The following PDCD2L variants were observed in gnomAD, a reference collection of about 807,000 sequenced individuals.
The protein encoded by PDCD2L is programmed cell death 2 like.
A neutral mutation model predicts 40.4 loss-of-function variants in PDCD2L; 44 were observed. The observed-to-expected ratio is 1.09, with a 90% CI of 0.86 to 1.40. PDCD2L has a LOEUF of 1.40. Among genes scored for constraint, PDCD2L ranks in the 40% most tolerant of loss-of-function variants. The probability of loss-of-function intolerance (pLI) is 0.00; values close to 1 mark genes in which losing one functional copy is unlikely to be tolerated. For missense variants in PDCD2L, 470 were observed against 453.7 expected, an observed-to-expected ratio of 1.04 and a Z score of -0.33; for synonymous variants, 194 against 174.6, an observed-to-expected ratio of 1.11 and a Z score of -0.88.
At chr19:34,409,004 T>A in intron 3 of PDCD2L, 157 bp from the exon 4 acceptor site, 2 of 643,206 alleles carry the variant, frequency 3.1e-6, no homozygotes, top group South Asian at 3.9e-5. Context: ...TGCTTTTGAG[T>A]ACATAGGGTC....
intron 4 of PDCD2L, 90 bp from the exon 5 acceptor site, chr19:34,413,647 T>G: frequency 1.2e-6 from 1 of 856,948 alleles, no homozygotes; most frequent in Non-Finnish European, 1.8e-6. Context: ...TGATAAAATT[T>G]TTTAAAAGAA....
At chr19:34,425,845 G>A in intron 6 of PDCD2L, 145 bp from the exon 7 acceptor site, 1 of 705,842 alleles carries the variant, frequency 1.4e-6, no homozygotes, top group Non-Finnish European at 2.2e-6. Flanking sequence ...AGGATAGACT[G>A]TGATTCTGTT....
At chr19:34,410,868 T>TC (rs1285253802) in intron 4 of PDCD2L, among the ~76,000 whole-genome samples, 1 of 151,350 alleles carries the variant, frequency 6.6e-6, no homozygotes, top group African/African-American at 2.4e-5. Flanking sequence ...CACTGCAACC[T>TC]CCCCTTCCTG....
chr19:34,411,296 G>C (rs1381985682), intron 4 of PDCD2L, among the ~76,000 whole-genome samples: 1 of 145,506 alleles, frequency 6.9e-6, no homozygotes, highest in African/African-American at 2.6e-5. Flanking sequence ...TTGGAGTGCA[G>C]TGGCACGTTC....
rs187581685 is a variant in PDCD2L at position 34,406,432 on chromosome 19, C to G, written c.336+1442C>G. On this transcript the variant is annotated intron_variant, in intron 3 of 6. Transcript: ENST00000246535. Reference sequence around the variant, plus strand: ...ACGGAGTCTTGCTCTGTTGCCCAGGCTGGAGTGCAGTGGCGCCGTCTCTGC... The same window carrying G: ...ACGGAGTCTTGCTCTGTTGCCCAGGGTGGAGTGCAGTGGCGCCGTCTCTGC... Among the ~76,000 whole-genome samples, 177 of 151,342 alleles carry G rather than the reference C, an allele frequency of 1.2e-3. No homozygotes were observed. The East Asian group carries it at 0.024, about 21-fold the overall frequency.
chr19:34,405,068 T>A, intron 3 of PDCD2L, 78 bp downstream of exon 3: 1 of 1,500,732 alleles, frequency 6.7e-7, no homozygotes, highest in Non-Finnish European at 9.2e-7. Context: ...GGGCAGACTT[T>A]AAAGCCGTGT....
At chr19:34,417,802 C>A (rs966602046) in intron 5 of PDCD2L, among the ~76,000 whole-genome samples, 1 of 151,990 alleles carries the variant, frequency 6.6e-6, no homozygotes, top group Non-Finnish European at 1.5e-5. Flanking sequence ...AAATAGAGAA[C>A]GCAATAGATG....
chr19:34,426,069 G>A lies in PDCD2L; in HGVS notation c.1026G>A (p.Met342Ile). ...GGCCCCCAAATCATCAGACTCCCAT[G>A]GAAGAATTTTGTATTATACAAGAAG... ...SCWPPNHQTP[M>I]EEFCIIQEDP... The change falls in exon 7 of 7, where the codon ATG (methionine) becomes ATA (isoleucine). Residue 342 changes from methionine (M) to isoleucine (I), a missense_variant. By Grantham distance (10) the Met-to-Ile change is conservative. Transcript: ENST00000246535. 1 of 1,605,204 alleles carries A rather than the reference G, an allele frequency of 6.2e-7. No individual in the cohort carries two copies. The highest frequency in any genetic ancestry group is 8.5e-7 in the Non-Finnish European group (1 of 1,171,922).
chr19:34,418,088 G>A (rs957713611), intron 5 of PDCD2L, among the ~76,000 whole-genome samples: 20 of 152,194 alleles, frequency 1.3e-4, no homozygotes, highest in Non-Finnish European at 7.3e-5. Context: ...ATCTTCTGTA[G>A]TGAAGTGTGT....
In PDCD2L at chr19:34,404,508, C is replaced by G. The variant is rs1161733728; in HGVS notation, c.78C>G (p.Ala26=). ...PVHGSPTGPG[A]WTASKLGGIP... ...ACGGCAGCCCCACAGGGCCGGGTGC[C>G]TGGACTGCTAGCAAGCTGGGCGGCA... is the stretch of plus-strand genomic sequence containing the variant. Residue 26 remains alanine, a synonymous_variant, in exon 1 of 7, where the codon GCC becomes GCG. Coordinates refer to ENST00000246535, the MANE Select transcript of PDCD2L (RefSeq NM_032346.2). 1.9e-6 allele frequency: 3 copies of G among 1,543,040 alleles called. No individual in the cohort carries two copies. The highest frequency in any genetic ancestry group is 2.6e-6 in the Non-Finnish European group (3 of 1,147,314).
At chr19:34,406,826 CTTTT>C (rs35175132) in intron 3 of PDCD2L, among the ~76,000 whole-genome samples, 131 of 102,240 alleles carry the variant, frequency 1.3e-3, no homozygotes, top group African/African-American at 5.1e-3. Flanking sequence ...TTCTTTCTTC[CTTTT>C]TTTTTTTTTT....
At chr19:34,404,865 C>T (rs1310557108) in intron 2 of PDCD2L, 50 bp downstream of exon 2, 3 of 1,609,084 alleles carry the variant, frequency 1.9e-6, no homozygotes, top group East Asian at 2.2e-5. Flanking sequence ...TTCCAGCGGG[C>T]TGGGGCGGGC....
Position 34,413,774 on chromosome 19 carries a change from A to C in PDCD2L, c.724A>C (p.Ile242Leu). 4 of 1,606,180 alleles carry C rather than the reference A, an allele frequency of 2.5e-6. No individual in the cohort carries two copies. The highest frequency in any genetic ancestry group is 3.4e-6 in the Non-Finnish European group (4 of 1,174,666). The change falls in exon 5 of 7, where the codon ATA (isoleucine) becomes CTA (leucine). Residue 242 changes from isoleucine (I) to leucine (L), a missense_variant. By Grantham distance (5) the Ile-to-Leu change is conservative. Transcript: ENST00000246535. ...TGGTGATGAAAAATATGAGAAGACC[A>C]TAATTAAAAGTGGAGATCAGACGTT... is the stretch of plus-strand genomic sequence containing the variant. ...NDGDEKYEKT[I>L]IKSGDQTFYK...
intron 5 of PDCD2L, chr19:34,421,313 A>G: frequency 3.4e-6 from 2 of 592,392 alleles, no homozygotes; most frequent in Non-Finnish European, 6.0e-6. Flanking sequence ...ATTCAGTTGA[A>G]CATTGACTTT....
chr19:34,418,589 G>T (rs924702106), intron 5 of PDCD2L, among the ~76,000 whole-genome samples: 1 of 152,088 alleles, frequency 6.6e-6, no homozygotes, highest in Admixed American at 6.6e-5. Flanking sequence ...GTGAACATTT[G>T]TTTACATCTC....
chr19:34,413,383 T>C (rs2145464077), intron 4 of PDCD2L, among the ~76,000 whole-genome samples: 1 of 134,732 alleles, frequency 7.4e-6, no homozygotes, highest in South Asian at 2.3e-4. Flanking sequence ...CAGGCTGGAG[T>C]GTAGTGGCAT....
intron 4 of PDCD2L, among the ~76,000 whole-genome samples, chr19:34,411,270 T>C (rs1461305360): frequency 5.5e-5 from 8 of 145,402 alleles, no homozygotes; most frequent in Non-Finnish European, 3.0e-5. Context: ...GAGACAGTCT[T>C]GCTCTGTTGC....
chr19:34,425,953 C>G lies in PDCD2L; in HGVS notation c.947-37C>G, dbSNP rs773675031. On this transcript the variant is annotated intron_variant, in intron 6 of 6. Coordinates refer to ENST00000246535, the MANE Select transcript of PDCD2L (RefSeq NM_032346.2). ...TTTTAGTAACATCAGTCTCATAACT[C>G]TTTTTGCTGGAAGCCTGAATATGTG... The G allele has an allele frequency of 1.1e-5, 17 of 1,597,422 alleles. No homozygotes were observed. In the South Asian group the frequency reaches 1.5e-4, roughly 14 times the overall value.
intron 5 of PDCD2L, among the ~76,000 whole-genome samples, chr19:34,416,614 G>A (rs2075127516): frequency 6.6e-6 from 1 of 152,220 alleles, no homozygotes; most frequent in Non-Finnish European, 1.5e-5. Context: ...CTCTTAGAGA[G>A]AGGAAAACAG....
Sources: allele counts gnomAD v4.1 joint callset (sites outside exome capture counted in the v4.1 genomes callset), GRCh38; gene constraint gnomAD v4.1.1; transcripts MANE v1.5; gene names NCBI Gene and HGNC (gene_info 2026-07-23, HGNC 2026-07-21).